CHD1L: variants seen among roughly 807,000 people sequenced by gnomAD.
CHD1L encodes the protein chromodomain helicase DNA binding protein 1 like.
CHD1L carries 118 observed loss-of-function variants against 115.9 expected under a neutral mutation model. The observed-to-expected ratio is 1.02, with a 90% confidence interval of 0.88 to 1.19. The LOEUF is 1.19. Ranked by LOEUF, CHD1L falls within the 50% of genes most tolerant of loss-of-function variation. The pLI is 0.00. For synonymous variants in CHD1L, 411 were observed against 387.1 expected, an observed-to-expected ratio of 1.06 and a Z score of -0.72; for missense variants, 1,179 against 1,065.3, an observed-to-expected ratio of 1.11 and a Z score of -1.49.
the CHD1L span, chr1:147,215,821 G>T: frequency 1.9e-6 from 3 of 1,613,526 alleles, no homozygotes; most frequent in Admixed American, 5.0e-5. Context: ...CAGGACCTGG[G>T]CATTATGCAT....
intron 19 of CHD1L, among the ~76,000 whole-genome samples, chr1:147,290,943 G>A (rs1217510691): frequency 6.6e-6 from 1 of 152,108 alleles, no homozygotes; most frequent in African/African-American, 2.4e-5. Flanking sequence ...ATGAGTCACT[G>A]TGCTCGGCCA....
chr1:147,263,111 A>G (rs1258227413), intron 6 of CHD1L, among the ~76,000 whole-genome samples: 3 of 152,152 alleles, frequency 2.0e-5, no homozygotes, highest in Non-Finnish European at 4.4e-5. Context: ...ATATGTATAT[A>G]TACGTTTACA....
chr1:147,291,818 G>A (rs1553970824), intron 20 of CHD1L, among the ~76,000 whole-genome samples: 1 of 152,128 alleles, frequency 6.6e-6, no homozygotes, highest in East Asian at 1.9e-4. Context: ...ATCTTGCTGT[G>A]CATGCACAAC....
At chr1:147,254,203 A>G (rs1669297829) in intron 2 of CHD1L, among the ~76,000 whole-genome samples, 1 of 152,152 alleles carries the variant, frequency 6.6e-6, no homozygotes, top group Admixed American at 6.5e-5. Context: ...GCCTTTACCA[A>G]TATTTCCATT....
the CHD1L span, chr1:147,201,443 C>A: frequency 8.1e-6 from 13 of 1,614,126 alleles, no homozygotes; most frequent in South Asian, 1.4e-4. Flanking sequence ...TTCACTTTCA[C>A]CAAGCCAGAA....
At chr1:147,258,652 C>T (rs587596890) in intron 5 of CHD1L, among the ~76,000 whole-genome samples, 1 of 152,142 alleles carries the variant, frequency 6.6e-6, no homozygotes, top group Non-Finnish European at 1.5e-5. Context: ...TCATAGGGAC[C>T]TCTGTTCCTC....
Position 147,259,320 on chromosome 1 carries a change from C to CA in CHD1L, c.495-516dup, listed in dbSNP as rs587661183. 5.9e-3 allele frequency: 899 copies of CA among 152,400 alleles called. 4 individuals are homozygous for CA. Among genetic ancestry groups the CA allele is most frequent in the Non-Finnish European group, 9.3e-3 (636 of 68,110 alleles). The allele number at this position is 152,400 out of a possible 1,614,324, so 9.4% of individuals were successfully genotyped here. On this transcript the variant is annotated intron_variant, in intron 5 of 22. Coordinates refer to ENST00000369258, the MANE Select transcript of CHD1L (RefSeq NM_004284.6). The stretch of plus-strand genomic sequence containing the variant: ...CATCTCTGTGAGATTTGACTCTGCT[C>CA]ACCACTTACCCATTTTAAAGTCACA...
chr1:147,213,942 C>G, the CHD1L span, among the ~76,000 whole-genome samples: 1 of 152,102 alleles, frequency 6.6e-6, no homozygotes, highest in Admixed American at 6.6e-5. Flanking sequence ...GGTAGAAAAA[C>G]ACCTCAGTGG....
chr1:147,260,914 T>C (rs1012405543), intron 6 of CHD1L: 4 of 152,240 alleles, frequency 2.6e-5, no homozygotes, highest in Non-Finnish European at 5.9e-5. Flanking sequence ...TGGTAAAGAT[T>C]TGTTCATTGA....
chr1:147,205,040 T>A, the CHD1L span: 1 of 690,006 alleles, frequency 1.4e-6, no homozygotes, highest in Non-Finnish European at 2.6e-6. Flanking sequence ...TCTTCCATCT[T>A]TGCTATATAG....
chr1:147,228,495 C>T, the CHD1L span, among the ~76,000 whole-genome samples: 1 of 152,188 alleles, frequency 6.6e-6, no homozygotes, highest in Non-Finnish European at 1.5e-5. Context: ...TTCATAGCAG[C>T]ATGATTTATA....
the CHD1L span, chr1:147,201,458 T>C: frequency 6.2e-7 from 1 of 1,614,160 alleles, no homozygotes; most frequent in South Asian, 1.1e-5. Context: ...CCAGAAATGA[T>C]ACGATTTGGC....
the CHD1L span, among the ~76,000 whole-genome samples, chr1:147,222,475 A>G: frequency 6.6e-6 from 1 of 152,080 alleles, no homozygotes; most frequent in Admixed American, 6.6e-5. Context: ...AAATGGGAGG[A>G]ATGAGGACAG....
chr1:147,234,714 G>A, the CHD1L span, among the ~76,000 whole-genome samples: 5 of 152,108 alleles, frequency 3.3e-5, no homozygotes, highest in South Asian at 2.1e-4. Context: ...CTTCATAAAC[G>A]TTCATCAAGA....
At chr1:147,271,518 A>G (rs1676218344) in intron 11 of CHD1L, among the ~76,000 whole-genome samples, 1 of 152,228 alleles carries the variant, frequency 6.6e-6, no homozygotes, top group Non-Finnish European at 1.5e-5. Flanking sequence ...GATGATGAGA[A>G]AAGGCTCTAA....
At chr1:147,269,732 C>G (rs1032915283) in intron 10 of CHD1L, among the ~76,000 whole-genome samples, 2 of 150,366 alleles carry the variant, frequency 1.3e-5, no homozygotes, top group African/African-American at 2.4e-5. Context: ...TCAGCTTATA[C>G]CTAATCCTCC....
chr1:147,275,367 G>C lies in CHD1L; in HGVS notation c.1284G>C (p.Met428Ile), dbSNP rs1553956694. ...CATTGTTTTCAGGTGGAGTTGGCATGAACTTAACAGCAGCAGATACTGTGA... is the reference window on the plus strand; with the variant it reads ...CATTGTTTTCAGGTGGAGTTGGCATCAACTTAACAGCAGCAGATACTGTGA... ...LLSTRAGGVG[M>I]NLTAADTVIF... Residue 428 changes from methionine (M) to isoleucine (I), a missense_variant, in exon 13 of 23, where the codon ATG becomes ATC. Physicochemically the swap from Met to Ile is conservative, Grantham distance 10 (BLOSUM62 1). Transcript: ENST00000369258. 1 of 1,613,706 alleles carries C rather than the reference G, an allele frequency of 6.2e-7. No individual in the cohort carries two copies. Among genetic ancestry groups the C allele is most frequent in the African/African-American group, 1.3e-5 (1 of 74,906 alleles).
chr1:147,203,343 C>T, the CHD1L span: 7 of 1,470,362 alleles, frequency 4.8e-6, no homozygotes, highest in South Asian at 5.7e-5. Flanking sequence ...CTGGTTTTGC[C>T]ATGATTACCT....
At chr1:147,248,648 T>C (rs1012712683) in intron 1 of CHD1L, among the ~76,000 whole-genome samples, 12 of 152,240 alleles carry the variant, frequency 7.9e-5, no homozygotes, top group Non-Finnish European at 1.6e-4. Flanking sequence ...TGTGAATTAT[T>C]TGAACATTTT....
Sources: gnomAD v4.1 joint callset for allele counts (sites outside exome capture counted in the v4.1 genomes callset) on GRCh38, gnomAD v4.1.1 for gene constraint, MANE v1.5 for transcripts, NCBI Gene and HGNC (gene_info 2026-07-23, HGNC 2026-07-21) for gene names.